Variants in DNAAF11 observed in about 807,000 individuals in gnomAD.
DNAAF11 encodes the protein leucine rich repeat containing 6.
A neutral mutation model predicts 60.8 loss-of-function variants in DNAAF11; 45 were observed. That is an observed-to-expected ratio of 0.74 (90% confidence interval 0.58 to 0.95). The LOEUF (loss-of-function observed/expected upper bound fraction) is 0.95, where lower values mean the gene tolerates loss of function less well. DNAAF11 is among the 40% of genes least tolerant of loss of function. The pLI is 0.00. For missense variants in DNAAF11, 546 were observed against 546.2 expected, an observed-to-expected ratio of 1.00 and a Z score of 0.00; for synonymous variants, 191 against 183.5, an observed-to-expected ratio of 1.04 and a Z score of -0.33.
Position 132,615,077 on chromosome 8 carries a change from T to C in DNAAF11, c.935A>G (p.Asp312Gly). The stretch of plus-strand genomic sequence containing the variant: ...GTCCAGGATGATCTGCTTTTCGTTA[T>C]CTTTCAAAGAGAAGTCAATTCTAAG... ...NEPKIDFSLKDNEKQIILDLA... is the reference protein window; with the variant it reads ...NEPKIDFSLKGNEKQIILDLA... Residue 312 changes from aspartate (D) to glycine (G), a missense_variant, in exon 8 of 12, where the codon GAT (aspartate) becomes GGT (glycine). Coordinates refer to ENST00000620350, the MANE Select transcript of DNAAF11 (RefSeq NM_012472.6). The C allele has an allele frequency of 1.2e-6, 2 of 1,607,950 alleles. No individual in the cohort carries two copies. Among genetic ancestry groups the C allele is most frequent in the Middle Eastern group, 1.7e-4 (1 of 6,046 alleles).
intron 3 of DNAAF11, among the ~76,000 whole-genome samples, chr8:132,640,704 C>T (rs994610967): frequency 6.6e-6 from 1 of 152,050 alleles, no homozygotes; most frequent in African/African-American, 2.4e-5. Context: ...CTACTATAAT[C>T]CTATTATCCA....
At chr8:132,585,317 A>G (rs1272445032) in intron 10 of DNAAF11, among the ~76,000 whole-genome samples, 1 of 152,174 alleles carries the variant, frequency 6.6e-6, no homozygotes, top group African/African-American at 2.4e-5. Flanking sequence ...TAAAAATGCA[A>G]CACGTGTATG....
At chr8:132,643,746 C>G (rs1822086880) in intron 3 of DNAAF11, 1 of 455,792 alleles carries the variant, frequency 2.2e-6, no homozygotes, top group Admixed American at 2.4e-5. Flanking sequence ...TACTTGGAGA[C>G]AAGCATAATA....
chr8:132,594,408 A>G (rs1054041445), intron 10 of DNAAF11, among the ~76,000 whole-genome samples: 1 of 152,208 alleles, frequency 6.6e-6, no homozygotes, highest in Non-Finnish European at 1.5e-5. Context: ...GTGACTGGCT[A>G]TATTAGCTCT....
chr8:132,593,612 T>C (rs1267178945), intron 10 of DNAAF11, among the ~76,000 whole-genome samples: 1 of 151,408 alleles, frequency 6.6e-6, no homozygotes, highest in African/African-American at 2.4e-5. Context: ...ATAGACAAAA[T>C]GATCATCAAA....
chr8:132,609,753 G>A (rs532043066), intron 10 of DNAAF11, among the ~76,000 whole-genome samples: 18 of 152,116 alleles, frequency 1.2e-4, no homozygotes, highest in South Asian at 2.1e-4. Flanking sequence ...AATGTTCTTC[G>A]ACCACCTATT....
intron 11 of DNAAF11, among the ~76,000 whole-genome samples, chr8:132,582,195 A>C (rs1212560912): frequency 6.6e-6 from 1 of 152,206 alleles, no homozygotes; most frequent in Non-Finnish European, 1.5e-5. Context: ...GATAACGTGC[A>C]CAATAGAGTT....
intron 5 of DNAAF11, among the ~76,000 whole-genome samples, chr8:132,627,348 T>G (rs529868343): frequency 5.3e-5 from 8 of 152,212 alleles, no homozygotes; most frequent in African/African-American, 1.7e-4. Context: ...ATAACATAAG[T>G]CTCCAAGGCA....
At chr8:132,687,054 C>T in the DNAAF11 span, among the ~76,000 whole-genome samples, 1 of 152,128 alleles carries the variant, frequency 6.6e-6, no homozygotes, top group African/African-American at 2.4e-5. Context: ...CCATAGAAGA[C>T]ACTCAATGAA....
chr8:132,653,884 C>T (rs906369726), intron 3 of DNAAF11, among the ~76,000 whole-genome samples: 1 of 152,008 alleles, frequency 6.6e-6, no homozygotes, highest in Non-Finnish European at 1.5e-5. Flanking sequence ...AAACACATTG[C>T]AGATAACAGA....
rs111979495 is a variant in DNAAF11 at position 132,627,667 on chromosome 8, C to T, written c.654-2213G>A. On this transcript the variant is annotated intron_variant, in intron 5 of 11. Transcript: ENST00000620350. ...GCCCTGTTCCAGATTGGGGTGTGCA[C>T]GGGAAGAGGGACACCCTCTCGTTCT... Among the ~76,000 whole-genome samples, 584 of 152,272 alleles carry T rather than the reference C, an allele frequency of 3.8e-3. 5 individuals carry two copies. Among genetic ancestry groups the T allele is most frequent in the African/African-American group, 0.013 (556 of 41,548 alleles).
At chr8:132,626,466 C>G (rs1189467845) in intron 5 of DNAAF11, among the ~76,000 whole-genome samples, 1 of 152,054 alleles carries the variant, frequency 6.6e-6, no homozygotes, top group Non-Finnish European at 1.5e-5. Flanking sequence ...TGTGGACTGT[C>G]AGAGAATTAA....
chr8:132,675,547 C>A, upstream of DNAAF11: 1 of 1,540,380 alleles, frequency 6.5e-7, no homozygotes, highest in South Asian at 1.2e-5. Flanking sequence ...TCGAATGACG[C>A]TTTTCACCCT....
chr8:132,657,598 T>C (rs1180295636), intron 2 of DNAAF11, among the ~76,000 whole-genome samples: 1 of 152,172 alleles, frequency 6.6e-6, no homozygotes, highest in Admixed American at 6.5e-5. Context: ...ATCAACCTGA[T>C]ACAGGATTAT....
intron 10 of DNAAF11, among the ~76,000 whole-genome samples, chr8:132,601,447 C>T (rs1459234325): frequency 2.0e-5 from 3 of 152,190 alleles, no homozygotes; most frequent in Non-Finnish European, 4.4e-5. Context: ...GATTATAAAT[C>T]ATGCTGCTAC....
the DNAAF11 span, among the ~76,000 whole-genome samples, chr8:132,694,960 T>A: frequency 6.6e-6 from 1 of 152,126 alleles, no homozygotes; most frequent in Non-Finnish European, 1.5e-5. Context: ...TAAAATGAGT[T>A]TGGTAAATTG....
chr8:132,701,138 G>A, the DNAAF11 span, among the ~76,000 whole-genome samples: 3 of 152,120 alleles, frequency 2.0e-5, no homozygotes, highest in Admixed American at 2.0e-4. Flanking sequence ...TTTTTTAAGG[G>A]TCCCACCTCT....
At chr8:132,668,201 G>A (rs1408288062) in intron 1 of DNAAF11, among the ~76,000 whole-genome samples, 2 of 152,198 alleles carry the variant, frequency 1.3e-5, no homozygotes, top group Non-Finnish European at 2.9e-5. Context: ...TTAAAAGCAG[G>A]ATTGTACACT....
At chr8:132,606,820 G>C (rs1014226724) in intron 10 of DNAAF11, among the ~76,000 whole-genome samples, 1 of 151,948 alleles carries the variant, frequency 6.6e-6, no homozygotes, top group Non-Finnish European at 1.5e-5. Context: ...TTTTAGAAAT[G>C]GAAAAAAGCA....
Sources: gnomAD v4.1 joint callset for allele counts (sites outside exome capture counted in the v4.1 genomes callset) on GRCh38, gnomAD v4.1.1 for gene constraint, MANE v1.5 for transcripts, NCBI Gene and HGNC (gene_info 2026-07-23, HGNC 2026-07-21) for gene names.